The following PDCD5 variants were observed in gnomAD, a reference collection of about 807,000 sequenced individuals.
PDCD5 encodes the protein programmed cell death 5.
PDCD5 carries 23 observed loss-of-function variants against 21.9 expected under a neutral mutation model. The observed-to-expected ratio is 1.05, with a 90% CI of 0.76 to 1.49. PDCD5 has a LOEUF of 1.49. Among genes scored for constraint, PDCD5 ranks in the 40% most tolerant of loss-of-function variants. PDCD5 has a pLI of 0.00. For missense variants in PDCD5, 152 were observed against 147.7 expected (o/e 1.03, Z -0.15); for synonymous variants, 45 against 49.4 (o/e 0.91, Z 0.37).
intron 3 of PDCD5, among the ~76,000 whole-genome samples, chr19:32,585,441 T>C (rs1971467191): frequency 6.6e-6 from 1 of 152,170 alleles, no homozygotes; most frequent in Non-Finnish European, 1.5e-5. Flanking sequence ...TGAACTGGTA[T>C]TTTCTGTATT....
Position 32,581,324 on chromosome 19 carries a change from C to T in PDCD5, c.63C>T (p.His21=). ...RQRLAELQAK[H]GDPGDAAQQE... ...GGCTGGCCGAGCTGCAGGCCAAACACGGGGTGAGCGCATCAGCCCCCGCCA... is the reference window on the plus strand; with the variant it reads ...GGCTGGCCGAGCTGCAGGCCAAACATGGGGTGAGCGCATCAGCCCCCGCCA... The change falls in exon 1 of 6, where the codon CAC becomes CAT. Residue 21 remains histidine, a synonymous_variant. Coordinates refer to ENST00000590247, the MANE Select transcript of PDCD5 (RefSeq NM_004708.4). 1 of 1,512,596 alleles carries T rather than the reference C, an allele frequency of 6.6e-7. No individual in the cohort carries two copies. The highest frequency in any genetic ancestry group is 2.7e-5 in the East Asian group (1 of 37,026). The allele number at this position is 1,512,596 out of a possible 1,614,324, so 93.7% of individuals were successfully genotyped here. A position where few individuals can be genotyped will look rare whatever the true frequency, so the allele number is the denominator to read the frequency against.
In PDCD5 at chr19:32,581,235, C is replaced by A; in HGVS notation, c.-27C>A. 1.4e-6 allele frequency: 2 copies of A among 1,474,510 alleles called. No homozygotes were observed. The highest frequency in any genetic ancestry group is 9.0e-7 in the Non-Finnish European group (1 of 1,111,030). The allele number at this position is 1,474,510 out of a possible 1,614,324, so 91.3% of individuals were successfully genotyped here. A position where few individuals can be genotyped will look rare whatever the true frequency, so the allele number is the denominator to read the frequency against. On this transcript the variant is annotated 5_prime_UTR_variant, in exon 1 of 6. Coordinates refer to ENST00000590247, the MANE Select transcript of PDCD5 (RefSeq NM_004708.4). Reference sequence around the variant, plus strand: ...CGCCGAGGGGCTGCGAGAGTGACCGCGGCTGCTCCAGCGCTGACGCCGAGC... The same window carrying A: ...CGCCGAGGGGCTGCGAGAGTGACCGAGGCTGCTCCAGCGCTGACGCCGAGC...
At chr19:32,586,325 G>A in intron 4 of PDCD5, 1 of 1,313,750 alleles carries the variant, frequency 7.6e-7, no homozygotes, top group Non-Finnish European at 9.7e-7. Flanking sequence ...GGCAAACCTG[G>A]CCTTTGAGAT....
chr19:32,581,880 G>A (rs761729822), intron 1 of PDCD5, among the ~76,000 whole-genome samples: 3 of 152,146 alleles, frequency 2.0e-5, no homozygotes, highest in Non-Finnish European at 4.4e-5. Context: ...TTGAGTTATC[G>A]TTGTCCCTAA....
intron 1 of PDCD5, 31 bp from the exon 2 acceptor site, chr19:32,582,164 T>A (rs766421718): frequency 7.0e-6 from 11 of 1,574,714 alleles, no homozygotes; most frequent in South Asian, 3.4e-5. Flanking sequence ...CCGTGAAATT[T>A]CTCTATTAAA....
intron 1 of PDCD5, among the ~76,000 whole-genome samples, chr19:32,581,962 C>T (rs529102012): frequency 6.6e-6 from 1 of 152,262 alleles, no homozygotes; most frequent in South Asian, 2.1e-4. Flanking sequence ...CAGGGATTCC[C>T]CTCCCCAGGG....
At chr19:32,586,810 C>A in intron 4 of PDCD5, 48 bp from the exon 5 acceptor site, 1 of 1,583,250 alleles carries the variant, frequency 6.3e-7, no homozygotes, top group South Asian at 1.2e-5. Context: ...GAGGTAAATT[C>A]TTTGTTTAAA....
Position 32,585,912 on chromosome 19 carries a change from G to A in PDCD5, c.258+5G>A. On this transcript the variant is annotated splice_donor_5th_base_variant and intron_variant, in intron 4 of 5. Transcript: ENST00000590247. ...TATGGACAACTAAGTGAGAAGGTAA[G>A]CTTAGACAGCCTTGAGGAACTTTAC... The A allele has an allele frequency of 6.2e-7, 1 of 1,613,210 alleles. No individual in the cohort carries two copies. The highest frequency in any genetic ancestry group is 1.7e-5 in the Admixed American group (1 of 60,024).
intron 1 of PDCD5, among the ~76,000 whole-genome samples, 197 bp from the exon 2 acceptor site, chr19:32,581,998 G>T (rs1026295017): frequency 6.6e-6 from 1 of 152,164 alleles, no homozygotes; most frequent in African/African-American, 2.4e-5. Flanking sequence ...AGCCTTCTGA[G>T]GTTGTGGTTT....
chr19:32,582,090 C>A, intron 1 of PDCD5, 105 bp from the exon 2 acceptor site: 1 of 767,582 alleles, frequency 1.3e-6, no homozygotes, highest in Non-Finnish European at 2.2e-6. Context: ...GGAGTTGTTT[C>A]TACCACCGCA....
At position 32,581,240 on chromosome 19, in the gene PDCD5, G is replaced by A. The variant is rs1027318428; in HGVS notation, c.-22G>A. The A allele has an allele frequency of 3.4e-5, 50 of 1,485,176 alleles. No individual in the cohort carries two copies. The highest frequency in any genetic ancestry group is 4.5e-5 in the Non-Finnish European group (50 of 1,118,042). 92.0% of individuals were successfully genotyped at this position (1,485,176 alleles called of 1,614,324 possible). A position where few individuals can be genotyped will look rare whatever the true frequency, so the allele number is the denominator to read the frequency against. ...AGGGGCTGCGAGAGTGACCGCGGCTGCTCCAGCGCTGACGCCGAGCCATGG... is the reference window on the plus strand; with the variant it reads ...AGGGGCTGCGAGAGTGACCGCGGCTACTCCAGCGCTGACGCCGAGCCATGG... On this transcript the variant is annotated 5_prime_UTR_variant, in exon 1 of 6. Transcript: ENST00000590247.
chr19:32,583,546 A>G (rs935336048), intron 2 of PDCD5, among the ~76,000 whole-genome samples: 10 of 151,150 alleles, frequency 6.6e-5, no homozygotes, highest in African/African-American at 1.9e-4. Flanking sequence ...GCCTCCCGAG[A>G]AACCCCAGTT....
intron 1 of PDCD5, 69 bp from the exon 2 acceptor site, chr19:32,582,126 C>T (rs1971433370): frequency 1.8e-6 from 2 of 1,098,284 alleles, no homozygotes; most frequent in South Asian, 2.6e-5. Flanking sequence ...TAGGAAACAA[C>T]AGAACCGTTC....
At chr19:32,582,554 T>C (rs1971438921) in intron 2 of PDCD5, among the ~76,000 whole-genome samples, 1 of 150,586 alleles carries the variant, frequency 6.6e-6, no homozygotes, top group Non-Finnish European at 1.5e-5. Context: ...TAGTAAGTGC[T>C]CAATAAGTGT....
chr19:32,583,036 C>G (rs1218171714), intron 2 of PDCD5, among the ~76,000 whole-genome samples: 1 of 152,182 alleles, frequency 6.6e-6, no homozygotes, highest in Non-Finnish European at 1.5e-5. Context: ...TATCTGAAAT[C>G]AGGATGCCTT....
Position 32,587,256 on chromosome 19 carries a change from A to T in PDCD5, c.334A>T (p.Asn112Tyr). 6.2e-7 allele frequency: 1 copy of T among 1,602,176 alleles called. No homozygotes were observed. ...ACTCATTTAATTTTCCTCCCAGTTC[A>T]ACAGAAGAAAAGTAATGGACTCTGA... The part of the protein sequence containing the change: ...QTEKTTTVKF[N>Y]RRKVMDSDED... Residue 112 changes from asparagine to tyrosine, a missense_variant, in exon 6 of 6, where the codon AAC (asparagine) becomes TAC (tyrosine). Coordinates refer to ENST00000590247, the MANE Select transcript of PDCD5 (RefSeq NM_004708.4).
rs1971477512 is a variant in PDCD5 at position 32,586,478 on chromosome 19, A to G, written c.259-380A>G. The G allele has an allele frequency of 6.4e-6, 7 of 1,100,238 alleles. 1 individual carries two copies. In the East Asian group the frequency reaches 3.3e-4, roughly 52 times the overall value. 68.2% of individuals were successfully genotyped at this position (1,100,238 alleles called of 1,614,324 possible). ...GGTTGATCTTTTCCGAGTGTGACTT[A>G]CCTCCTTCAAGGGGATGTTTAAGCT... On this transcript the variant is annotated intron_variant, in intron 4 of 5. Transcript: ENST00000590247.
intron 2 of PDCD5, among the ~76,000 whole-genome samples, chr19:32,583,696 T>C (rs1971450988): frequency 6.6e-6 from 1 of 151,878 alleles, no homozygotes; most frequent in Non-Finnish European, 1.5e-5. Context: ...GTGTGGTGAC[T>C]GAAGCCTGTA....
rs1568387972 is a variant in PDCD5, at chr19:32,584,968, C to T, written c.123C>T (p.Asn41=). Residue 41 remains asparagine (N), a synonymous_variant, in exon 3 of 6, where the codon AAC becomes AAT. Coordinates refer to ENST00000590247, the MANE Select transcript of PDCD5 (RefSeq NM_004708.4). ...GTTGTAGGGAAGCAGAAATGAGAAA[C>T]AGTATCTTAGCCCAAGTTCTGGATC... ...EAKHREAEMR[N]SILAQVLDQS... is the part of the protein sequence containing the mutation. 1 of 1,613,758 alleles carries T rather than the reference C, an allele frequency of 6.2e-7. No individual in the cohort carries two copies. The highest frequency in any genetic ancestry group is 1.3e-5 in the African/African-American group (1 of 74,906).
Sources: allele counts gnomAD v4.1 joint callset (sites outside exome capture counted in the v4.1 genomes callset), GRCh38; gene constraint gnomAD v4.1.1; transcripts MANE v1.5; gene names NCBI Gene and HGNC (gene_info 2026-07-23, HGNC 2026-07-21).